The following KLF12 variants were observed in gnomAD, a reference collection of about 807,000 sequenced individuals.
The protein encoded by KLF12 is KLF transcription factor 12.
A neutral mutation model predicts 37.8 loss-of-function variants in KLF12; 9 were observed. The ratio of observed to expected loss-of-function variants is 0.24; its 90% CI spans 0.14 to 0.42. The LOEUF is 0.42. Ranked by LOEUF, KLF12 falls within the 10% of genes least tolerant of loss-of-function variation. KLF12 has a pLI of 1.00. For synonymous variants in KLF12, 208 were observed against 202.1 expected (o/e 1.03, Z -0.25); for missense variants, 411 against 516.0 (o/e 0.80, Z 1.97).
chr13:74,003,004 G>C (rs1892321070), intron 1 of KLF12, among the ~76,000 whole-genome samples: 1 of 152,132 alleles, frequency 6.6e-6, no homozygotes, highest in African/African-American at 2.4e-5. Context: ...GGTTAACAAT[G>C]ACTAGGTACT....
chr13:73,977,114 G>A (rs1891548935), intron 2 of KLF12, among the ~76,000 whole-genome samples: 1 of 149,522 alleles, frequency 6.7e-6, no homozygotes, highest in Non-Finnish European at 1.5e-5. Flanking sequence ...CCGGTGGCAT[G>A]ATCTCGACTC....
intron 2 of KLF12, among the ~76,000 whole-genome samples, chr13:73,990,054 C>CA (rs1365749562): frequency 1.3e-5 from 2 of 151,648 alleles, no homozygotes; most frequent in African/African-American, 4.8e-5. Flanking sequence ...ACCTTGGGAA[C>CA]AAAAAAGTAA....
chr13:74,070,445 G>A (rs1030547081), intron 1 of KLF12, among the ~76,000 whole-genome samples: 1 of 152,174 alleles, frequency 6.6e-6, no homozygotes, highest in Non-Finnish European at 1.5e-5. Context: ...GGGCCAAAGA[G>A]GGCAAGAGTC....
the KLF12 span, among the ~76,000 whole-genome samples, chr13:74,241,642 T>C: frequency 5.3e-5 from 8 of 152,202 alleles, no homozygotes; most frequent in Admixed American, 3.9e-4. Context: ...GTGCCGGATA[T>C]AATCTCGTGG....
chr13:73,851,682 G>A (rs1159585808), intron 3 of KLF12, among the ~76,000 whole-genome samples: 2 of 152,150 alleles, frequency 1.3e-5, no homozygotes, highest in Non-Finnish European at 2.9e-5. Context: ...TTTGTTTCTT[G>A]TGTCTTGGTA....
At chr13:74,044,601 C>G (rs2138560012) in intron 1 of KLF12, among the ~76,000 whole-genome samples, 1 of 152,228 alleles carries the variant, frequency 6.6e-6, no homozygotes, top group East Asian at 1.9e-4. Context: ...AATCCCAGCA[C>G]TTTGGGAGGC....
chr13:73,846,856 A>C (rs961118793), intron 3 of KLF12, among the ~76,000 whole-genome samples: 1 of 152,196 alleles, frequency 6.6e-6, no homozygotes, highest in African/African-American at 2.4e-5. Context: ...CCCACACCTG[A>C]TCACTAATTT....
intron 1 of KLF12, among the ~76,000 whole-genome samples, chr13:74,044,726 T>TC (rs1320200171): frequency 6.6e-6 from 1 of 151,846 alleles, no homozygotes; most frequent in African/African-American, 2.4e-5. Context: ...GCGCCTGTAG[T>TC]CCCAGCTGCT....
intron 2 of KLF12, among the ~76,000 whole-genome samples, chr13:73,977,233 TG>T (rs1891553811): frequency 6.6e-6 from 1 of 151,922 alleles, no homozygotes; most frequent in South Asian, 2.1e-4. Flanking sequence ...TTTGTAGAGA[TG>T]GGGTTTCACC....
chr13:74,221,287 T>G, the KLF12 span, among the ~76,000 whole-genome samples: 2 of 152,224 alleles, frequency 1.3e-5, no homozygotes. Flanking sequence ...ATTACAGGCG[T>G]GAGCCACCGC....
intron 3 of KLF12, among the ~76,000 whole-genome samples, chr13:73,915,231 A>T (rs916239762): frequency 1.3e-5 from 2 of 152,198 alleles, no homozygotes; most frequent in Non-Finnish European, 1.5e-5. Flanking sequence ...GATTTCACTT[A>T]GGGCCCGCCC....
chr13:73,732,455 G>C (rs1877138477), intron 6 of KLF12, among the ~76,000 whole-genome samples: 1 of 152,080 alleles, frequency 6.6e-6, no homozygotes, highest in South Asian at 2.1e-4. Flanking sequence ...ACTCACCCAA[G>C]AACACAGATA....
chr13:74,218,768 T>C, the KLF12 span, among the ~76,000 whole-genome samples: 3 of 152,168 alleles, frequency 2.0e-5, no homozygotes, highest in African/African-American at 7.2e-5. Flanking sequence ...TGGATAAATA[T>C]AATTTTATGG....
At chr13:73,742,032 A>G (rs949592782) in intron 6 of KLF12, among the ~76,000 whole-genome samples, 1 of 146,880 alleles carries the variant, frequency 6.8e-6, no homozygotes, top group African/African-American at 2.5e-5. Flanking sequence ...AGGCTGAAAA[A>G]GCCTACGGAT....
the KLF12 span, among the ~76,000 whole-genome samples, chr13:74,267,372 G>A: frequency 2.0e-5 from 3 of 152,244 alleles, no homozygotes; most frequent in East Asian, 5.8e-4. Context: ...ATGAATAGTG[G>A]TATATATACA....
At chr13:73,959,123 C>CAAA (rs1890940582) in intron 2 of KLF12, among the ~76,000 whole-genome samples, 1 of 11,504 alleles carries the variant, frequency 8.7e-5, no homozygotes, top group African/African-American at 1.8e-4. Context: ...CACCCCCCTT[C>CAAA]CAAAAAAAAA....
chr13:74,275,798 CTTTCTTT>C, the KLF12 span, among the ~76,000 whole-genome samples: 1 of 104,138 alleles, frequency 9.6e-6, no homozygotes, highest in Non-Finnish European at 2.0e-5. Flanking sequence ...TTCTTTCTTT[CTTTCTTT>C]CCTTCTTTCT....
intron 1 of KLF12, among the ~76,000 whole-genome samples, chr13:74,048,329 G>A (rs752575853): frequency 5.9e-5 from 9 of 152,134 alleles, no homozygotes; most frequent in East Asian, 1.9e-4. Flanking sequence ...TAGACTGGGC[G>A]ACACTCAGCC....
intron 1 of KLF12, among the ~76,000 whole-genome samples, chr13:74,085,875 A>C (rs916349762): frequency 1.3e-5 from 2 of 152,184 alleles, no homozygotes; most frequent in African/African-American, 4.8e-5. Context: ...CTGCACTGGA[A>C]TAGAGATTGC....
Sources: allele counts gnomAD v4.1 joint callset (sites outside exome capture counted in the v4.1 genomes callset), GRCh38; gene constraint gnomAD v4.1.1; transcripts MANE v1.5; gene names NCBI Gene and HGNC (gene_info 2026-07-23, HGNC 2026-07-21).